ZNF585B: variants seen among roughly 807,000 people sequenced by gnomAD.
The protein encoded by ZNF585B is zinc finger protein 585B, also known as zinc finger protein 41-like protein.
ZNF585B carries 7 observed loss-of-function variants against 14.0 expected under a neutral mutation model. The ratio of observed to expected loss-of-function variants is 0.50; its 90% CI spans 0.28 to 0.94. ZNF585B has a LOEUF of 0.94. ZNF585B is among the 40% of genes least tolerant of loss of function. The pLI, the probability that ZNF585B is intolerant of heterozygous loss-of-function variation, is 0.09. For missense variants in ZNF585B, 750 were observed against 924.4 expected (o/e 0.81, Z 2.45); for synonymous variants, 290 against 317.3 (o/e 0.91, Z 0.91).
chr19:37,186,538 C>T lies in ZNF585B; in HGVS notation c.999G>A (p.Lys333=). 1 of 1,614,188 alleles carries T rather than the reference C, an allele frequency of 6.2e-7. No individual in the cohort carries two copies. The highest frequency in any genetic ancestry group is 8.5e-7 in the Non-Finnish European group (1 of 1,180,038). The change falls in exon 5 of 5, where the codon AAG becomes AAA. Residue 333 remains lysine, a synonymous_variant. Transcript: ENST00000532828. Reference sequence around the variant, plus strand: ...TGAGGTTGGAATTATTGCTGAAGACCTTCCCATATTCGGTACATATATAGG... The same window carrying T: ...TGAGGTTGGAATTATTGCTGAAGACTTTCCCATATTCGGTACATATATAGG... ...VKPYICTEYG[K]VFSNNSNLIT...
chr19:37,189,462 T>C (rs1191167097), intron 4 of ZNF585B, 199 bp downstream of exon 4: 1 of 580,550 alleles, frequency 1.7e-6, no homozygotes, highest in Non-Finnish European at 3.1e-6. Flanking sequence ...GACTGGCACA[T>C]GACTTATAAT....
intron 2 of ZNF585B, among the ~76,000 whole-genome samples, chr19:37,201,242 C>A (rs1972528335): frequency 1.3e-5 from 2 of 152,048 alleles, no homozygotes; most frequent in Non-Finnish European, 2.9e-5. Flanking sequence ...GAGCTGAATT[C>A]TCACCAAAAA....
chr19:37,207,068 G>T lies in ZNF585B; in HGVS notation c.44C>A (p.Ala15Asp), dbSNP rs753294008. 1.2e-6 allele frequency: 2 copies of T among 1,614,126 alleles called. No individual in the cohort carries two copies. Among genetic ancestry groups the T allele is most frequent in the East Asian group, 2.2e-5 (1 of 44,874 alleles). Residue 15 changes from alanine to aspartate, a missense_variant, in exon 2 of 5, where the codon GCT (alanine) becomes GAT (aspartate). Ala to Asp is a moderately radical substitution (Grantham distance 126). Transcript: ENST00000532828. ...ATAGGAGCTGCCATGATCCTCTGGA[G>T]CCAGGGCTGAGGATTTCTGGGGTGA... ...WTSPQKSSAL[A>D]PEDHGSSYEG...
rs1972312385 is a variant in ZNF585B at position 37,184,706 on chromosome 19, G to C, written c.*521C>G. The C allele has an allele frequency of 3.6e-6, 1 of 274,286 alleles. No individual in the cohort carries two copies. The highest frequency in any genetic ancestry group is 6.8e-6 in the Non-Finnish European group (1 of 147,506). The allele number at this position is 274,286 out of a possible 1,614,324, so 17.0% of individuals were successfully genotyped here. On this transcript the variant is annotated 3_prime_UTR_variant, in exon 5 of 5. Coordinates refer to ENST00000532828, the MANE Select transcript of ZNF585B (RefSeq NM_152279.4). ...TGTCTTATTGCAGTATCTCTTGCTT[G>C]ATAGAAATACTCAATGGGGAATTGG...
At chr19:37,204,623 G>A (rs1476266508) in intron 2 of ZNF585B, among the ~76,000 whole-genome samples, 3 of 152,190 alleles carry the variant, frequency 2.0e-5, no homozygotes, top group Non-Finnish European at 4.4e-5. Flanking sequence ...CATCCAGGCT[G>A]GAGTGCAGTG....
At chr19:37,187,825 A>G (rs1972356182) in intron 4 of ZNF585B, among the ~76,000 whole-genome samples, 1 of 152,220 alleles carries the variant, frequency 6.6e-6, no homozygotes, top group African/African-American at 2.4e-5. Context: ...CTTAAATGAA[A>G]CATTCTGGGG....
intron 4 of ZNF585B, chr19:37,189,448 G>A: frequency 1.8e-6 from 1 of 559,092 alleles, no homozygotes; most frequent in East Asian, 3.1e-5. Context: ...TCTTTAATGA[G>A]GCTGACTGGC....
At position 37,184,788 on chromosome 19, in the gene ZNF585B, G is replaced by C; in HGVS notation, c.*439C>G. 2.5e-6 allele frequency: 1 copy of C among 401,386 alleles called. No individual in the cohort carries two copies. The highest frequency in any genetic ancestry group is 1.2e-4 in the South Asian group (1 of 8,346). The allele number at this position is 401,386 out of a possible 1,614,324, so 24.9% of individuals were successfully genotyped here. ...AAAATACCCACAATTCTACTAGACA[G>C]TGTGTTCTGGAACAAACAACTCACA... On this transcript the variant is annotated 3_prime_UTR_variant, in exon 5 of 5. Transcript: ENST00000532828.
At chr19:37,192,400 G>A (rs749469089) in intron 2 of ZNF585B, among the ~76,000 whole-genome samples, 1 of 151,824 alleles carries the variant, frequency 6.6e-6, no homozygotes, top group Non-Finnish European at 1.5e-5. Flanking sequence ...GGGTAAGGGG[G>A]ACATTGCCCA....
intron 4 of ZNF585B, among the ~76,000 whole-genome samples, chr19:37,189,311 G>A (rs1255439303): frequency 1.3e-5 from 2 of 152,150 alleles, no homozygotes; most frequent in African/African-American, 4.8e-5. Context: ...GTGGGAGTGT[G>A]TGACACAGAG....
rs1446560696 is a variant in ZNF585B at position 37,185,303 on chromosome 19, G to T, written c.2234C>A (p.Pro745His). The T allele has an allele frequency of 1.2e-6, 2 of 1,614,128 alleles. No homozygotes were observed. The highest frequency in any genetic ancestry group is 4.5e-5 in the East Asian group (2 of 44,876). ...KHQTTHTGDK[P>H]YKCGICGKGF... ...TTTCCCACAGATGCCACACTTGTAG[G>T]GTTTGTCTCCAGTGTGTGTTGTCTG... The change falls in exon 5 of 5, where the codon CCC becomes CAC. Residue 745 changes from proline to histidine, a missense_variant. Pro to His is a moderately conservative substitution (Grantham distance 77, BLOSUM62 -2). This residue lies in a region of ZNF585B where 233 missense variants were observed against 354.1 expected (regional missense o/e 0.66). Coordinates refer to ENST00000532828, the MANE Select transcript of ZNF585B (RefSeq NM_152279.4).
chr19:37,193,388 G>A (rs1369659891), intron 2 of ZNF585B, among the ~76,000 whole-genome samples: 5 of 149,024 alleles, frequency 3.4e-5, no homozygotes, highest in Non-Finnish European at 5.9e-5. Context: ...GGAGAATGGC[G>A]TGAACCCGGG....
rs892048620 is a variant in ZNF585B at position 37,191,139 on chromosome 19, T to C, written c.73-989A>G. The stretch of plus-strand genomic sequence containing the variant: ...AACTAGGGTGTAACATTTGTTAACC[T>C]GATAAGGTAAAATTTAGTACAATAC... On this transcript the variant is annotated intron_variant, in intron 2 of 4. Transcript: ENST00000532828. Among the ~76,000 whole-genome samples, 170 of 152,344 alleles carry C rather than the reference T, an allele frequency of 1.1e-3. 1 individual carries two copies. Among genetic ancestry groups the C allele is most frequent in the African/African-American group, 4.0e-3 (166 of 41,586 alleles).
chr19:37,189,444 A>G (rs1972375529), intron 4 of ZNF585B: 1 of 552,458 alleles, frequency 1.8e-6, no homozygotes, highest in Non-Finnish European at 3.2e-6. Flanking sequence ...TTTATCTTTA[A>G]TGAGGCTGAC....
At position 37,200,595 on chromosome 19, in the gene ZNF585B, A is replaced by G. The variant is rs1040892620; in HGVS notation, c.72+6445T>C. Among the ~76,000 whole-genome samples the G allele has an allele frequency of 2.0e-5, 3 of 151,346 alleles. No homozygotes were observed. In the East Asian group the frequency reaches 5.8e-4, roughly 29 times the overall value. On this transcript the variant is annotated intron_variant, in intron 2 of 4. Coordinates refer to ENST00000532828, the MANE Select transcript of ZNF585B (RefSeq NM_152279.4). Reference sequence around the variant, plus strand: ...GCACAAAAGGTGGCAAAGACAAGTGAGCAACATAAAATGGAAATAAGGAGT... The same window carrying G: ...GCACAAAAGGTGGCAAAGACAAGTGGGCAACATAAAATGGAAATAAGGAGT...
intron 4 of ZNF585B, among the ~76,000 whole-genome samples, chr19:37,187,470 A>G (rs1972352246): frequency 6.6e-6 from 1 of 152,166 alleles, no homozygotes; most frequent in Non-Finnish European, 1.5e-5. Flanking sequence ...GCCTATTTGT[A>G]GTCAATATTT....
intron 2 of ZNF585B, among the ~76,000 whole-genome samples, chr19:37,205,070 A>T (rs893388982): frequency 2.3e-4 from 35 of 152,100 alleles, no homozygotes; most frequent in African/African-American, 7.5e-4. Flanking sequence ...TAATTTAATT[A>T]AATTTTTTTT....
chr19:37,209,196 C>T (rs1411408605), intron 1 of ZNF585B, among the ~76,000 whole-genome samples: 1 of 152,072 alleles, frequency 6.6e-6, no homozygotes, highest in Non-Finnish European at 1.5e-5. Context: ...CCTCCGCCTC[C>T]CAGGTTCAAG....
At chr19:37,188,258 G>A (rs528662750) in intron 4 of ZNF585B, among the ~76,000 whole-genome samples, 8 of 151,860 alleles carry the variant, frequency 5.3e-5, no homozygotes, top group East Asian at 2.0e-4. Context: ...AGGCTGAGGC[G>A]GGCGGATCAC....
Sources: gnomAD v4.1 joint callset for allele counts (sites outside exome capture counted in the v4.1 genomes callset) on GRCh38, gnomAD v4.1.1 for gene constraint, gnomAD v4.1.1 regional missense constraint, MANE v1.5 for transcripts, NCBI Gene and HGNC (gene_info 2026-07-23, HGNC 2026-07-21) for gene names.